COL23A1: variants seen among roughly 807,000 people sequenced by gnomAD.
COL23A1 encodes collagen type XXIII alpha 1 chain.
Under a neutral mutation model 99.3 loss-of-function variants are expected in COL23A1, and 97 were observed. The observed-to-expected ratio is 0.98, with a 90% CI of 0.83 to 1.16. COL23A1 has a LOEUF of 1.16. Among genes scored for constraint, COL23A1 ranks in the 50% most tolerant of loss-of-function variants. The pLI is 0.00. For missense variants in COL23A1, 762 were observed against 757.4 expected (o/e 1.01, Z -0.07); for synonymous variants, 320 against 308.2 (o/e 1.04, Z -0.40).
rs1760615102 is a variant in COL23A1, at chr5:178,530,985, A to G, written c.361+29697T>C. Among the ~76,000 whole-genome samples the G allele has an allele frequency of 3.3e-5, 5 of 152,188 alleles. No individual in the cohort carries two copies. The South Asian group carries it at 1.0e-3, about 31-fold the overall frequency. ...TGGGTTCATGAGATTCTCCTGCCTC[A>G]GCCTCCCAAGTAGCTGGGATTACAG... On this transcript the variant is annotated intron_variant, in intron 2 of 28. Transcript: ENST00000390654.
At chr5:178,273,954 C>T (rs926172050) in intron 5 of COL23A1, among the ~76,000 whole-genome samples, 1 of 152,198 alleles carries the variant, frequency 6.6e-6, no homozygotes, top group Non-Finnish European at 1.5e-5. Context: ...TGTGAACCTC[C>T]AGGGGATGGA....
intron 2 of COL23A1, among the ~76,000 whole-genome samples, chr5:178,412,065 C>G (rs192711976): frequency 1.3e-5 from 2 of 152,084 alleles, no homozygotes; most frequent in African/African-American, 4.8e-5. Flanking sequence ...CATGAATGTA[C>G]GTGTAACTGT....
intron 5 of COL23A1, among the ~76,000 whole-genome samples, chr5:178,279,712 C>G (rs1756784320): frequency 6.6e-6 from 1 of 152,144 alleles, no homozygotes; most frequent in Admixed American, 6.5e-5. Context: ...CTCACCTCCC[C>G]CTACGCCCTT....
intron 2 of COL23A1, among the ~76,000 whole-genome samples, chr5:178,497,880 A>G (rs1758277115): frequency 1.3e-5 from 2 of 152,116 alleles, no homozygotes; most frequent in African/African-American, 2.4e-5. Context: ...AGTCCCAAAA[A>G]GAAAGAATAA....
intron 2 of COL23A1, among the ~76,000 whole-genome samples, chr5:178,416,552 C>T (rs1765322694): frequency 6.6e-6 from 1 of 152,172 alleles, no homozygotes; most frequent in Admixed American, 6.5e-5. Flanking sequence ...GGGTGGCTTC[C>T]ACAGGTATTC....
At chr5:178,472,579 G>GCAGCATCCATGGGTGC (rs60601263) in intron 2 of COL23A1, among the ~76,000 whole-genome samples, 39,117 of 151,812 alleles carry the variant, frequency 0.26, 5,298 homozygotes, top group Non-Finnish European at 0.29. Flanking sequence ...AACGGCTGCA[G>GCAGCATCCATGGGTGC]CAGCATCCAT....
At chr5:178,539,765 C>T (rs976637499) in intron 2 of COL23A1, among the ~76,000 whole-genome samples, 25 of 152,108 alleles carry the variant, frequency 1.6e-4, no homozygotes, top group Middle Eastern at 3.2e-3. Flanking sequence ...GGTAACATTT[C>T]CCAACTTGTT....
At chr5:178,407,864 A>C (rs1259975851) in intron 2 of COL23A1, among the ~76,000 whole-genome samples, 2 of 152,202 alleles carry the variant, frequency 1.3e-5, no homozygotes, top group African/African-American at 2.4e-5. Context: ...ATCTGACATT[A>C]GTGTCAGCAA....
chr5:178,462,552 T>C (rs1254187031), intron 2 of COL23A1, among the ~76,000 whole-genome samples: 6 of 152,194 alleles, frequency 3.9e-5, no homozygotes, highest in Non-Finnish European at 7.3e-5. Context: ...ATCACCCCCA[T>C]TGAGTAATCC....
chr5:178,424,278 C>T (rs1394108425), intron 2 of COL23A1, among the ~76,000 whole-genome samples: 3 of 152,332 alleles, frequency 2.0e-5, no homozygotes, highest in East Asian at 3.9e-4. Flanking sequence ...AGCCTACAGG[C>T]TATGGAGGTG....
At chr5:178,321,320 T>C (rs1759291723) in intron 2 of COL23A1, among the ~76,000 whole-genome samples, 1 of 152,134 alleles carries the variant, frequency 6.6e-6, no homozygotes, top group Admixed American at 6.5e-5. Flanking sequence ...CCATGGCTAC[T>C]AGCAACCACA....
In COL23A1 at chr5:178,365,862, G is replaced by A. The variant is rs978693174; in HGVS notation, c.362-58943C>T. 1.3e-5 allele frequency among the ~76,000 whole-genome samples: 2 copies of A among 152,116 alleles called. No homozygotes were observed. The highest frequency in any genetic ancestry group is 1.9e-4 in the East Asian group (1 of 5,178). On this transcript the variant is annotated intron_variant, in intron 2 of 28. Coordinates refer to ENST00000390654, the MANE Select transcript of COL23A1 (RefSeq NM_173465.4). The surrounding 1 kb of genome is among the most constrained non-coding windows in gnomAD (Gnocchi z 5.2). ...TGATGGTCTCCTGGCCACATGGGGA[G>A]CTCCTCGAGGGCAAGGCCTGGGAAC... is the stretch of plus-strand genomic sequence containing the variant.
intron 5 of COL23A1, among the ~76,000 whole-genome samples, chr5:178,278,712 A>C (rs1178892065): frequency 6.6e-6 from 1 of 152,126 alleles, no homozygotes; most frequent in Non-Finnish European, 1.5e-5. Context: ...CTGCACAGTG[A>C]AGGAGCAGGG....
intron 2 of COL23A1, among the ~76,000 whole-genome samples, chr5:178,503,499 T>C (rs1178016669): frequency 1.3e-5 from 2 of 152,280 alleles, no homozygotes; most frequent in Middle Eastern, 3.4e-3. Context: ...TTCACTAAAG[T>C]TAGTGACCTT....
Position 178,313,833 on chromosome 5 carries a change from T to A in COL23A1, c.362-6914A>T, listed in dbSNP as rs1758834268. Among the ~76,000 whole-genome samples, 1 of 151,644 alleles carries A rather than the reference T, an allele frequency of 6.6e-6. No homozygotes were observed. Among genetic ancestry groups the A allele is most frequent in the Non-Finnish European group, 1.5e-5 (1 of 67,904 alleles). ...CTGGGGCTTCAGGGCCATCAGGGGGTGCACCTTGAGCAGAGAAGGCAAGCG... is the reference window on the plus strand; with the variant it reads ...CTGGGGCTTCAGGGCCATCAGGGGGAGCACCTTGAGCAGAGAAGGCAAGCG... On this transcript the variant is annotated intron_variant, in intron 2 of 28. Coordinates refer to ENST00000390654, the MANE Select transcript of COL23A1 (RefSeq NM_173465.4). This position sits in a 1 kb window ranked among gnomAD's most constrained non-coding sequence, Gnocchi z 4.2.
chr5:178,331,116 C>T (rs760124786), intron 2 of COL23A1, among the ~76,000 whole-genome samples: 15 of 152,242 alleles, frequency 9.9e-5, no homozygotes, highest in Non-Finnish European at 2.1e-4. Context: ...ATGCCCAGTA[C>T]AAAAGGAGTG....
intron 1 of COL23A1, among the ~76,000 whole-genome samples, chr5:178,576,532 C>T (rs1371064287): frequency 2.0e-5 from 3 of 152,224 alleles, no homozygotes; most frequent in Non-Finnish European, 4.4e-5. Flanking sequence ...CCACCGAGCC[C>T]GTCCTCATTA....
chr5:178,557,054 C>T (rs1181037460), intron 2 of COL23A1, among the ~76,000 whole-genome samples: 1 of 152,230 alleles, frequency 6.6e-6, no homozygotes, highest in African/African-American at 2.4e-5. Flanking sequence ...GTTCTAGGGG[C>T]AAGAAGTCCA....
At chr5:178,358,264 G>GTGTGAATGTATA (rs1761894677) in intron 2 of COL23A1, among the ~76,000 whole-genome samples, 1 of 143,804 alleles carries the variant, frequency 7.0e-6, no homozygotes. Context: ...GTATGTATAT[G>GTGTGAATGTATA]TGTGTATATG....
Sources: allele counts gnomAD v4.1 joint callset (sites outside exome capture counted in the v4.1 genomes callset), GRCh38; gene constraint gnomAD v4.1.1; non-coding constraint Gnocchi (gnomAD v3.1); transcripts MANE v1.5; gene names NCBI Gene and HGNC (gene_info 2026-07-23, HGNC 2026-07-21).